NEK4: variants seen among roughly 807,000 people sequenced by gnomAD.
NEK4 encodes NIMA related kinase 4.
A neutral mutation model predicts 98.4 loss-of-function variants in NEK4; 86 were observed. The ratio of observed to expected loss-of-function variants is 0.87; its 90% CI spans 0.73 to 1.05. The LOEUF is 1.05. Ranked by LOEUF, NEK4 falls within the 50% of genes least tolerant of loss-of-function variation. The pLI is 0.00. For missense variants in NEK4, 898 were observed against 950.3 expected, an observed-to-expected ratio of 0.94 and a Z score of 0.72; for synonymous variants, 328 against 342.2, an observed-to-expected ratio of 0.96 and a Z score of 0.46.
chr3:52,748,782 C>A (rs1212688379), intron 8 of NEK4, among the ~76,000 whole-genome samples: 1 of 152,104 alleles, frequency 6.6e-6, no homozygotes, highest in Non-Finnish European at 1.5e-5. Flanking sequence ...ATGTCTGATG[C>A]ATATTAATTA....
At chr3:52,741,268 C>CT in intron 13 of NEK4, 143 bp downstream of exon 13, 1 of 406,180 alleles carries the variant, frequency 2.5e-6, no homozygotes, top group Non-Finnish European at 4.4e-6. Context: ...AGAAGAGACA[C>CT]TTTTAGCTCC....
chr3:52,762,778 G>A (rs1197760126), intron 5 of NEK4, among the ~76,000 whole-genome samples: 1 of 152,160 alleles, frequency 6.6e-6, no homozygotes, highest in Non-Finnish European at 1.5e-5. Context: ...CTACTGGGGA[G>A]GCTGAGGCAG....
rs370377370 is a variant in NEK4, at chr3:52,766,276, G to T, written c.460C>A (p.Arg154=). The change falls in exon 3 of 16, where the codon CGA becomes AGA. Residue 154 remains arginine (R), a synonymous_variant. Transcript: ENST00000233027. ...IIKVGDLGIA[R]VLENHCDMAS... ...ATGTCACAGTGGTTCTCTAACACTC[G>T]GGCAATTCCTAGGTCCCCTACTTTG... The T allele has an allele frequency of 1.4e-5, 23 of 1,613,758 alleles. No homozygotes were observed. In the African/African-American group the frequency reaches 3.1e-4, roughly 22 times the overall value.
chr3:52,765,148 C>G (rs993529046), intron 4 of NEK4, among the ~76,000 whole-genome samples: 3 of 151,824 alleles, frequency 2.0e-5, no homozygotes, highest in Non-Finnish European at 2.9e-5. Context: ...GTAAGGAGTT[C>G]GAGACCATCC....
intron 6 of NEK4, among the ~76,000 whole-genome samples, chr3:52,758,659 A>C (rs939433902): frequency 1.3e-5 from 2 of 152,072 alleles, no homozygotes; most frequent in African/African-American, 2.4e-5. Flanking sequence ...AAAAACAAAA[A>C]AAAAAATTTT....
intron 15 of NEK4, among the ~76,000 whole-genome samples, chr3:52,735,834 T>C (rs1204003390): frequency 6.6e-6 from 1 of 152,248 alleles, no homozygotes; most frequent in Non-Finnish European, 1.5e-5. Context: ...GTTAATTTCC[T>C]GAAGGAGTTG....
rs1228360161 is a variant in NEK4, at chr3:52,711,461, GTTAA to G, written c.*312_*315del. On this transcript the variant is annotated 3_prime_UTR_variant, in exon 16 of 16. Transcript: ENST00000233027. ...CAGCATTTTATAGCTCTGTGTTTAA[GTTAA>G]TTAGTACCTTAAAAAAATAAAATTC... The G allele has an allele frequency of 1.1e-5, 2 of 189,352 alleles. No individual in the cohort carries two copies. Among genetic ancestry groups the G allele is most frequent in the African/African-American group, 4.7e-5 (2 of 42,818 alleles). The allele number at this position is 189,352 out of a possible 1,614,324, so 11.7% of individuals were successfully genotyped here.
chr3:52,745,633 T>G (rs2097394753), intron 10 of NEK4, among the ~76,000 whole-genome samples: 1 of 151,764 alleles, frequency 6.6e-6, no homozygotes, highest in Non-Finnish European at 1.5e-5. Flanking sequence ...TTCCTTCCAG[T>G]GTTTGGCAAG....
chr3:52,739,268 G>A (rs1191013208), intron 14 of NEK4, among the ~76,000 whole-genome samples, 161 bp downstream of exon 14: 2 of 152,186 alleles, frequency 1.3e-5, no homozygotes, highest in Non-Finnish European at 2.9e-5. Flanking sequence ...GCATGGTGGT[G>A]CATGCCTGTA....
chr3:52,713,657 G>A (rs2336543), intron 15 of NEK4, among the ~76,000 whole-genome samples: 18,171 of 152,060 alleles, frequency 0.12, 1,342 homozygotes, highest in South Asian at 0.34. Flanking sequence ...AGCCGGGCAT[G>A]GTGGCGCATG....
In NEK4 at chr3:52,711,723, CCAAAAT is replaced by C; in HGVS notation, c.*48_*53del. On this transcript the variant is annotated 3_prime_UTR_variant, in exon 16 of 16. Coordinates refer to ENST00000233027, the MANE Select transcript of NEK4 (RefSeq NM_003157.6). ...TGACTGTTTGCCCTTGCTTTTTAAG[CCAAAAT>C]CCTCTAAAAATAGGTCTTTAATTCT... 8.4e-7 allele frequency: 1 copy of C among 1,193,572 alleles called. No homozygotes were observed. The highest frequency in any genetic ancestry group is 1.2e-6 in the Non-Finnish European group (1 of 804,410). The allele number at this position is 1,193,572 out of a possible 1,614,324, so 73.9% of individuals were successfully genotyped here. A position where few individuals can be genotyped will look rare whatever the true frequency, so the allele number is the denominator to read the frequency against.
In NEK4 at chr3:52,746,868, CCT is replaced by C. The variant is rs2097397070; in HGVS notation, c.1541_1542del (p.Gln514ArgfsTer15). 1 of 1,613,822 alleles carries C rather than the reference CCT, an allele frequency of 6.2e-7. No homozygotes were observed. The highest frequency in any genetic ancestry group is 1.3e-5 in the African/African-American group (1 of 74,880). ...QVAGECIIEKQGRIHPDLQPH... is the reference protein window; with the variant it reads ...QVAGECIIEKXGRIHPDLQPH... Reference sequence around the variant, plus strand: ...GGCTGTAAATCTGGGTGGATTCTGCCCTGTTTTTCTATAATACATTCACCAGC... The same window carrying C: ...GGCTGTAAATCTGGGTGGATTCTGCCGTTTTTCTATAATACATTCACCAGC... On this transcript the variant is annotated frameshift_variant, in exon 9 of 16. Coordinates refer to ENST00000233027, the MANE Select transcript of NEK4 (RefSeq NM_003157.6). LOFTEE classifies it high-confidence loss of function.
intron 15 of NEK4, among the ~76,000 whole-genome samples, chr3:52,716,717 C>T (rs1432184937): frequency 6.6e-6 from 1 of 152,220 alleles, no homozygotes; most frequent in Non-Finnish European, 1.5e-5. Flanking sequence ...GCTAGAATCA[C>T]AATAAACCCA....
At chr3:52,748,209 C>T (rs1482888967) in intron 8 of NEK4, among the ~76,000 whole-genome samples, 1 of 151,630 alleles carries the variant, frequency 6.6e-6, no homozygotes, top group Non-Finnish European at 1.5e-5. Flanking sequence ...CCTCATGATC[C>T]GCCCGCCTCG....
At chr3:52,764,768 A>G (rs1015876650) in intron 4 of NEK4, among the ~76,000 whole-genome samples, 1 of 109,882 alleles carries the variant, frequency 9.1e-6, no homozygotes, top group Non-Finnish European at 1.8e-5. Context: ...GCATGCACAC[A>G]CACACACATG....
chr3:52,717,492 GAAGTATGCC>G (rs1431805705), intron 15 of NEK4, among the ~76,000 whole-genome samples: 2 of 151,568 alleles, frequency 1.3e-5, no homozygotes, highest in African/African-American at 2.4e-5. Flanking sequence ...GAAATGCCAA[GAAGTATGCC>G]AAGTATGCCA....
In NEK4 at chr3:52,770,799, G is replaced by A; in HGVS notation, c.-53C>T. On this transcript the variant is annotated 5_prime_UTR_variant, in exon 1 of 16. Coordinates refer to ENST00000233027, the MANE Select transcript of NEK4 (RefSeq NM_003157.6). The stretch of plus-strand genomic sequence containing the variant: ...TGCGGCGGCAGCGGCGGGTAGGGCA[G>A]CGGGCGGCAACAAGAAGCTCGGTTC... 6.8e-7 allele frequency: 1 copy of A among 1,480,826 alleles called. No homozygotes were observed. 91.7% of individuals were successfully genotyped at this position (1,480,826 alleles called of 1,614,324 possible). A position where few individuals can be genotyped will look rare whatever the true frequency, so the allele number is the denominator to read the frequency against.
Position 52,768,592 on chromosome 3 carries a change from T to G in NEK4, c.106A>C (p.Lys36Gln). The G allele has an allele frequency of 6.2e-7, 1 of 1,613,976 alleles. No homozygotes were observed. The highest frequency in any genetic ancestry group is 1.1e-5 in the South Asian group (1 of 91,082). Residue 36 changes from lysine to glutamine, a missense_variant, in exon 2 of 16, where the codon AAA becomes CAA. Lys to Gln is a moderately conservative substitution (Grantham distance 53). Coordinates refer to ENST00000233027, the MANE Select transcript of NEK4 (RefSeq NM_003157.6). ...RRDGKQYVIK[K>Q]LNLRNASSRE... ...CTAGAGGCATTTCGGAGGTTCAGTT[T>G]TTTGATGACATACTAAAAACAAACC...
chr3:52,729,827 T>A (rs1261701336), intron 15 of NEK4, among the ~76,000 whole-genome samples: 1 of 149,294 alleles, frequency 6.7e-6, no homozygotes, highest in Non-Finnish European at 1.5e-5. Flanking sequence ...ATAAAAAGAA[T>A]TGGGTGGGCA....
Sources: allele counts gnomAD v4.1 joint callset (sites outside exome capture counted in the v4.1 genomes callset), GRCh38; gene constraint gnomAD v4.1.1; transcripts MANE v1.5; gene names NCBI Gene and HGNC (gene_info 2026-07-23, HGNC 2026-07-21).